BFAR: variants seen among roughly 807,000 people sequenced by gnomAD.
BFAR encodes the protein RING finger protein 47.
In BFAR, 52 loss-of-function variants were observed where a neutral mutation model predicts 54.4. The observed-to-expected ratio is 0.96, with a 90% CI of 0.77 to 1.21. The LOEUF is 1.21. Ranked by LOEUF, BFAR falls within the 50% of genes most tolerant of loss-of-function variation. BFAR has a pLI of 0.00. For synonymous variants in BFAR, 215 were observed against 204.3 expected, an observed-to-expected ratio of 1.05 and a Z score of -0.45; for missense variants, 571 against 534.0, an observed-to-expected ratio of 1.07 and a Z score of -0.68.
Position 14,648,719 on chromosome 16 carries a change from G to A in BFAR, c.468+127G>A, listed in dbSNP as rs149117122. 61 of 703,190 alleles carry A rather than the reference G, an allele frequency of 8.7e-5. No homozygotes were observed. The East Asian group carries it at 1.4e-3, about 16-fold the overall frequency. 43.6% of individuals were successfully genotyped at this position (703,190 alleles called of 1,614,324 possible). Reference sequence around the variant, plus strand: ...GATGTGACTCCATGTAATTTACTACGTACATTGAAATCTGCTGGGTTCTAT... The same window carrying A: ...GATGTGACTCCATGTAATTTACTACATACATTGAAATCTGCTGGGTTCTAT... On this transcript the variant is annotated intron_variant, in intron 3 of 7. Coordinates refer to ENST00000261658, the MANE Select transcript of BFAR (RefSeq NM_016561.3).
In BFAR at chr16:14,648,575, G is replaced by A; in HGVS notation, c.451G>A (p.Ala151Thr). ...GGGFFSGVLT[A>T]LTGVAVVLLV... Reference sequence around the variant, plus strand: ...GGGATTCTTTTCCGGTGTGCTCACAGCTTTAACTGGAGTGGCAGTAAGTTG... The same window carrying A: ...GGGATTCTTTTCCGGTGTGCTCACAACTTTAACTGGAGTGGCAGTAAGTTG... The change falls in exon 3 of 8, where the codon GCT becomes ACT. Residue 151 changes from alanine (A) to threonine (T), a missense_variant. Transcript: ENST00000261658. 1 of 1,613,744 alleles carries A rather than the reference G, an allele frequency of 6.2e-7. No homozygotes were observed.
intron 1 of BFAR, among the ~76,000 whole-genome samples, chr16:14,634,223 C>A (rs1959361045): frequency 6.6e-6 from 1 of 152,196 alleles, no homozygotes; most frequent in South Asian, 2.1e-4. Context: ...CCAGGACACA[C>A]CCCCGAGCCG....
At chr16:14,661,579 T>C (rs1179412816) in intron 5 of BFAR, among the ~76,000 whole-genome samples, 3 of 152,038 alleles carry the variant, frequency 2.0e-5, no homozygotes, top group Admixed American at 1.3e-4. Context: ...ATTTTTTTAT[T>C]TGTAGTACAG....
At chr16:14,635,811 T>C (rs1336303427) in intron 1 of BFAR, among the ~76,000 whole-genome samples, 1 of 152,054 alleles carries the variant, frequency 6.6e-6, no homozygotes, top group African/African-American at 2.4e-5. Flanking sequence ...TTAATATTTT[T>C]AGTAGATACG....
rs180774893 is a variant in BFAR, at chr16:14,665,825, G to C, written c.1160+754G>C. Among the ~76,000 whole-genome samples, 17 of 152,254 alleles carry C rather than the reference G, an allele frequency of 1.1e-4. No homozygotes were observed. In the East Asian group the frequency reaches 3.3e-3, roughly 29 times the overall value. On this transcript the variant is annotated intron_variant, in intron 7 of 7. Transcript: ENST00000261658. ...TATAGAGTTGCTTTGGCCTCCACAG[G>C]GTGCTTTATAGAAAATGCAGTAAGG...
chr16:14,660,567 G>A (rs890951014), intron 5 of BFAR, among the ~76,000 whole-genome samples: 2 of 145,472 alleles, frequency 1.4e-5, no homozygotes, highest in Non-Finnish European at 3.0e-5. Flanking sequence ...TTACAGGTGT[G>A]AGCCACCGCA....
chr16:14,661,854 A>G (rs759753781), intron 5 of BFAR, 38 bp from the exon 6 acceptor site: 3 of 1,603,490 alleles, frequency 1.9e-6, no homozygotes, highest in Non-Finnish European at 2.6e-6. Flanking sequence ...GCTGGCCGCC[A>G]TGGTTGTAAT....
intron 5 of BFAR, among the ~76,000 whole-genome samples, chr16:14,661,315 A>C (rs1455750628): frequency 6.6e-6 from 1 of 151,888 alleles, no homozygotes; most frequent in Non-Finnish European, 1.5e-5. Flanking sequence ...ATAGCTTTTT[A>C]AAAAGGCTAT....
intron 2 of BFAR, among the ~76,000 whole-genome samples, chr16:14,646,984 C>G (rs1254675585): frequency 2.0e-5 from 3 of 151,750 alleles, no homozygotes; most frequent in African/African-American, 7.2e-5. Flanking sequence ...ACTATGTTGC[C>G]CAGGCTGGTC....
chr16:14,633,086 A>C (rs1459954196), intron 1 of BFAR, 68 bp downstream of exon 1: 1 of 152,158 alleles, frequency 6.6e-6, no homozygotes, highest in East Asian at 1.9e-4. Context: ...AGTGATGTGG[A>C]AGACGGAGCG....
rs555271181 is a variant in BFAR at position 14,658,649 on chromosome 16, C to T, written c.784-3243C>T. On this transcript the variant is annotated intron_variant, in intron 5 of 7. Transcript: ENST00000261658. ...TGGGGAGGCTGAGGCAGGAGAGTGG[C>T]GTGAACCCGGGAGACGGAGCTTGCA... Among the ~76,000 whole-genome samples, 151 of 151,412 alleles carry T rather than the reference C, an allele frequency of 1.0e-3. 1 individual carries two copies. The highest frequency in any genetic ancestry group is 3.3e-3 in the African/African-American group (138 of 41,312).
intron 4 of BFAR, among the ~76,000 whole-genome samples, chr16:14,653,413 C>T (rs1288885751): frequency 1.3e-5 from 2 of 152,114 alleles, no homozygotes; most frequent in African/African-American, 4.8e-5. Context: ...CTGCAACCTT[C>T]ACCTCCTGGG....
intron 1 of BFAR, among the ~76,000 whole-genome samples, chr16:14,637,405 G>T (rs1379901097): frequency 6.6e-6 from 1 of 151,914 alleles, no homozygotes; most frequent in Non-Finnish European, 1.5e-5. Context: ...TCCAACCAGG[G>T]ACCAGACCAT....
chr16:14,634,509 G>A (rs1959372291), intron 1 of BFAR, among the ~76,000 whole-genome samples: 1 of 152,214 alleles, frequency 6.6e-6, no homozygotes, highest in African/African-American at 2.4e-5. Context: ...CAAACTTTGA[G>A]TACCTGTAGA....
At chr16:14,636,467 A>G (rs185514330) in intron 1 of BFAR, among the ~76,000 whole-genome samples, 5 of 152,380 alleles carry the variant, frequency 3.3e-5, no homozygotes, top group East Asian at 1.9e-4. Context: ...GCATACACAT[A>G]AACATCTCAA....
intron 4 of BFAR, chr16:14,650,280 A>G (rs1567489532): frequency 4.4e-6 from 1 of 228,384 alleles, no homozygotes; most frequent in East Asian, 8.9e-5. Context: ...CAATGAGCCA[A>G]GATCATGCCA....
rs148792231 is a variant in BFAR, at chr16:14,653,088, A to G, written c.639-1978A>G. On this transcript the variant is annotated intron_variant, in intron 4 of 7. Transcript: ENST00000261658. ...TTTCTCTACCTAGTTAGTACAATGT[A>G]TTTTTACATAGCTTTCTAGAGGACA... is the stretch of plus-strand genomic sequence containing the variant. Among the ~76,000 whole-genome samples the G allele has an allele frequency of 5.6e-3, 855 of 152,300 alleles. 6 individuals carry two copies. Among genetic ancestry groups the G allele is most frequent in the Non-Finnish European group, 8.4e-3 (571 of 68,032 alleles).
At position 14,646,725 on chromosome 16, in the gene BFAR, C is replaced by T. The variant is rs937584238; in HGVS notation, c.264-1663C>T. On this transcript the variant is annotated intron_variant, in intron 2 of 7. Coordinates refer to ENST00000261658, the MANE Select transcript of BFAR (RefSeq NM_016561.3). ...GTTGGTCAGGCTGGTCTCATACTCC[C>T]GACCTCAGGTGATCCGCCCGCCTCA... Among the ~76,000 whole-genome samples the T allele has an allele frequency of 1.4e-4, 20 of 139,468 alleles. No individual in the cohort carries two copies. The South Asian group carries it at 1.6e-3, about 11-fold the overall frequency. The allele number at this position is 139,468 out of a possible 152,430, so 91.5% of individuals were successfully genotyped here. A position where few individuals can be genotyped will look rare whatever the true frequency, so the allele number is the denominator to read the frequency against.
chr16:14,651,720 T>A (rs1374626471), intron 4 of BFAR, among the ~76,000 whole-genome samples: 1 of 151,786 alleles, frequency 6.6e-6, no homozygotes, highest in Admixed American at 6.6e-5. Context: ...ACTCAAACAA[T>A]CCACCCGCCT....
Sources: gnomAD v4.1 joint callset for allele counts (sites outside exome capture counted in the v4.1 genomes callset) on GRCh38, gnomAD v4.1.1 for gene constraint, MANE v1.5 for transcripts, NCBI Gene and HGNC (gene_info 2026-07-23, HGNC 2026-07-21) for gene names.